Variants in BCKDHB observed in about 807,000 individuals in gnomAD.
BCKDHB encodes the protein 2-oxoisovalerate dehydrogenase subunit beta, mitochondrial.
BCKDHB carries 41 observed loss-of-function variants against 48.5 expected under a neutral mutation model. That is an observed-to-expected ratio of 0.85 (90% CI 0.66 to 1.10). The LOEUF is 1.10. Among genes scored for constraint, BCKDHB ranks in the 50% least tolerant of loss-of-function variants. The pLI is 0.00. For synonymous variants in BCKDHB, 201 were observed against 174.8 expected, an observed-to-expected ratio of 1.15 and a Z score of -1.18; for missense variants, 496 against 494.2, an observed-to-expected ratio of 1.00 and a Z score of -0.03.
chr6:80,243,434 A>T lies in BCKDHB; in HGVS notation c.952-29701A>T, dbSNP rs551768993. 2.0e-5 allele frequency among the ~76,000 whole-genome samples: 3 copies of T among 152,352 alleles called. No homozygotes were observed. The East Asian group carries it at 5.8e-4, about 29-fold the overall frequency. On this transcript the variant is annotated intron_variant, in intron 8 of 9. Coordinates refer to ENST00000320393, the MANE Select transcript of BCKDHB (RefSeq NM_183050.4). ...GCTGATATAAGAAGATTCAATGTAG[A>T]TAGAAAGAATATCTTAAACTAATGT... is the stretch of plus-strand genomic sequence containing the variant.
At chr6:80,419,111 A>G in the BCKDHB span, among the ~76,000 whole-genome samples, 1 of 151,982 alleles carries the variant, frequency 6.6e-6, no homozygotes, top group Non-Finnish European at 1.5e-5. Context: ...TGCAATGGAG[A>G]TCATTTGGGG....
At chr6:80,277,677 A>G (rs1266166043) in intron 9 of BCKDHB, among the ~76,000 whole-genome samples, 3 of 139,510 alleles carry the variant, frequency 2.2e-5, no homozygotes, top group African/African-American at 8.4e-5. Context: ...TTTTTTTTTT[A>G]AATCACATGG....
intron 8 of BCKDHB, among the ~76,000 whole-genome samples, chr6:80,238,842 C>T (rs1225814700): frequency 6.6e-6 from 1 of 152,088 alleles, no homozygotes; most frequent in African/African-American, 2.4e-5. Flanking sequence ...TGAGTGAGAA[C>T]ATGTGGTGTT....
the BCKDHB span, among the ~76,000 whole-genome samples, chr6:80,414,511 G>A: frequency 6.6e-6 from 1 of 151,988 alleles, no homozygotes; most frequent in South Asian, 2.1e-4. Context: ...CATATGGGTA[G>A]GCTGTTATCC....
chr6:80,354,440 G>A, the BCKDHB span, among the ~76,000 whole-genome samples: 2 of 152,124 alleles, frequency 1.3e-5, no homozygotes. Context: ...TGTTGCCCAG[G>A]CTGGTCTTGA....
At chr6:80,351,238 A>G (rs1224007558), downstream of BCKDHB, among the ~76,000 whole-genome samples, 7 of 152,188 alleles carry the variant, frequency 4.6e-5, no homozygotes, top group East Asian at 3.9e-4. Context: ...TTTTAGGCCT[A>G]TAGTCTTCAG....
chr6:80,316,322 A>C (rs545793821), intron 9 of BCKDHB, among the ~76,000 whole-genome samples: 1 of 152,198 alleles, frequency 6.6e-6, no homozygotes, highest in East Asian at 1.9e-4. Flanking sequence ...TATGAAAAGT[A>C]ATTCCAATTC....
chr6:80,416,072 G>T, the BCKDHB span, among the ~76,000 whole-genome samples: 3 of 151,672 alleles, frequency 2.0e-5, no homozygotes, highest in Admixed American at 6.6e-5. Flanking sequence ...AGGTGTTCAT[G>T]ATATTCTCTG....
intron 1 of BCKDHB, among the ~76,000 whole-genome samples, chr6:80,120,164 AT>A (rs1173582695): frequency 3.3e-5 from 5 of 152,102 alleles, no homozygotes; most frequent in Non-Finnish European, 7.3e-5. Flanking sequence ...TTCCAGCTTC[AT>A]CCATGTCCCT....
chr6:80,112,960 G>GT (rs1769491564), intron 1 of BCKDHB, among the ~76,000 whole-genome samples: 1 of 152,268 alleles, frequency 6.6e-6, no homozygotes, highest in African/African-American at 2.4e-5. Flanking sequence ...TTCCACTAGA[G>GT]TGTTAGCCAT....
At chr6:80,458,124 T>G in the BCKDHB span, among the ~76,000 whole-genome samples, 2 of 152,180 alleles carry the variant, frequency 1.3e-5, no homozygotes, top group African/African-American at 4.8e-5. Context: ...GTTGAAAAAC[T>G]GAATGGGGCA....
At chr6:80,275,841 A>G (rs558518424) in intron 9 of BCKDHB, among the ~76,000 whole-genome samples, 1 of 152,074 alleles carries the variant, frequency 6.6e-6, no homozygotes, top group African/African-American at 2.4e-5. Context: ...ACCTGTATCA[A>G]ATTACCAGTG....
chr6:80,282,695 A>G (rs1766399883), intron 9 of BCKDHB, among the ~76,000 whole-genome samples: 1 of 152,070 alleles, frequency 6.6e-6, no homozygotes. Flanking sequence ...GAAAAAAGAA[A>G]AAAACTTTAT....
At chr6:80,166,984 A>G (rs138978020) in intron 3 of BCKDHB, among the ~76,000 whole-genome samples, 39 of 152,294 alleles carry the variant, frequency 2.6e-4, no homozygotes, top group African/African-American at 8.4e-4. Context: ...GTACATTAAA[A>G]AATCATCTCC....
the BCKDHB span, among the ~76,000 whole-genome samples, chr6:80,354,357 A>T: frequency 6.6e-5 from 10 of 152,116 alleles, no homozygotes; most frequent in African/African-American, 1.9e-4. Context: ...CCTCCCAAGT[A>T]AGTGGGATTA....
rs551765270 is a variant in BCKDHB at position 80,128,374 on chromosome 6, G to T, written c.274+750G>T. ...ACTTGCGGATGATTGAACTAGAGAAGTAAATTCAAACATAGAGAAGGGTGA... is the reference window on the plus strand; with the variant it reads ...ACTTGCGGATGATTGAACTAGAGAATTAAATTCAAACATAGAGAAGGGTGA... On this transcript the variant is annotated intron_variant, in intron 2 of 9. Transcript: ENST00000320393. 7.2e-5 allele frequency among the ~76,000 whole-genome samples: 11 copies of T among 152,194 alleles called. 1 individual carries two copies. The highest frequency in any genetic ancestry group is 2.6e-4 in the African/African-American group (11 of 41,536).
At chr6:80,403,533 G>A in the BCKDHB span, among the ~76,000 whole-genome samples, 1 of 151,812 alleles carries the variant, frequency 6.6e-6, no homozygotes, top group Admixed American at 6.6e-5. Context: ...AACAGAGGGA[G>A]TTTCACTTCT....
At chr6:80,304,732 G>A (rs906785756) in intron 9 of BCKDHB, among the ~76,000 whole-genome samples, 2 of 152,092 alleles carry the variant, frequency 1.3e-5, no homozygotes, top group African/African-American at 4.8e-5. Context: ...ACCAAGTTGG[G>A]TTTATTCCAG....
chr6:80,149,376 G>A (rs1323154831), intron 3 of BCKDHB, among the ~76,000 whole-genome samples: 11 of 152,158 alleles, frequency 7.2e-5, no homozygotes, highest in African/African-American at 9.7e-5. Flanking sequence ...TGCTGGGACC[G>A]TAAACTGGTT....
Sources: allele counts gnomAD v4.1 joint callset (sites outside exome capture counted in the v4.1 genomes callset), GRCh38; gene constraint gnomAD v4.1.1; transcripts MANE v1.5; gene names NCBI Gene and HGNC (gene_info 2026-07-23, HGNC 2026-07-21).